LONRF1: variants seen among roughly 807,000 people sequenced by gnomAD.
LONRF1 encodes the protein LON peptidase N-terminal domain and RING finger protein 1.
In LONRF1, 37 loss-of-function variants were observed where a neutral mutation model predicts 85.8. That is an observed-to-expected ratio of 0.43 (90% confidence interval 0.33 to 0.57). The LOEUF is 0.57. Among genes scored for constraint, LONRF1 ranks in the 20% least tolerant of loss-of-function variants. LONRF1 has a pLI of 0.04. For missense variants in LONRF1, 1,036 were observed against 978.0 expected, an observed-to-expected ratio of 1.06 and a Z score of -0.79; for synonymous variants, 517 against 390.1, an observed-to-expected ratio of 1.33 and a Z score of -3.83.
In LONRF1 at chr8:12,747,748, ATCTC is replaced by A. The variant is rs71205086; in HGVS notation, c.722-4470_722-4467del. Among the ~76,000 whole-genome samples the A allele has an allele frequency of 7.7e-4, 39 of 50,600 alleles. No homozygotes were observed. The East Asian group carries it at 0.018, about 24-fold the overall frequency. 33.2% of individuals were successfully genotyped at this position (50,600 alleles called of 152,430 possible). On this transcript the variant is annotated intron_variant, in intron 1 of 11. Coordinates refer to ENST00000398246, the MANE Select transcript of LONRF1 (RefSeq NM_152271.5). Reference sequence around the variant, plus strand: ...ATTTCACTAACTCAGGTTGACTGAAATCTCTCTCTTTTTTTTTTTTTTTTTTAGA... The same window carrying A: ...ATTTCACTAACTCAGGTTGACTGAAATCTCTTTTTTTTTTTTTTTTTTAGA...
intron 1 of LONRF1, among the ~76,000 whole-genome samples, chr8:12,748,022 T>C (rs1425164187): frequency 2.0e-5 from 3 of 152,210 alleles, no homozygotes; most frequent in African/African-American, 4.8e-5. Flanking sequence ...GTCCACATGA[T>C]TTTTAATAGT....
intron 1 of LONRF1, among the ~76,000 whole-genome samples, chr8:12,747,702 T>A (rs1442789219): frequency 6.6e-6 from 1 of 151,616 alleles, no homozygotes; most frequent in African/African-American, 2.4e-5. Flanking sequence ...CTTTACAGGT[T>A]AAAACAGAGA....
At chr8:12,737,899 A>T in intron 4 of LONRF1, 96 bp downstream of exon 4, 1 of 1,249,690 alleles carries the variant, frequency 8.0e-7, no homozygotes, top group Non-Finnish European at 1.1e-6. Flanking sequence ...AAAAGTACTT[A>T]AGTAGGTGCT....
chr8:12,728,306 C>A (rs1037127508), intron 10 of LONRF1, among the ~76,000 whole-genome samples: 10 of 152,170 alleles, frequency 6.6e-5, no homozygotes, highest in Non-Finnish European at 1.2e-4. Context: ...AAAAACCCTA[C>A]CCTGTTAAGA....
At chr8:12,753,010 G>A (rs1435022776) in intron 1 of LONRF1, 1 of 152,170 alleles carries the variant, frequency 6.6e-6, no homozygotes, top group Non-Finnish European at 1.5e-5. Flanking sequence ...CTGCTTCCTC[G>A]CTTTAAAAAT....
Position 12,731,699 on chromosome 8 carries a change from T to A in LONRF1, c.1688+37A>T, listed in dbSNP as rs545866755. 3 of 1,578,300 alleles carry A rather than the reference T, an allele frequency of 1.9e-6. No individual in the cohort carries two copies. In the East Asian group the frequency reaches 6.7e-5, roughly 35 times the overall value. ...GAGGTTTTTCCTTACTATTAAAGGGTAGTAGTTCATAATTTTTTTTATGAG... is the reference window on the plus strand; with the variant it reads ...GAGGTTTTTCCTTACTATTAAAGGGAAGTAGTTCATAATTTTTTTTATGAG... On this transcript the variant is annotated intron_variant, in intron 8 of 11. Coordinates refer to ENST00000398246, the MANE Select transcript of LONRF1 (RefSeq NM_152271.5).
At chr8:12,741,669 A>G (rs1179781053) in intron 2 of LONRF1, among the ~76,000 whole-genome samples, 1 of 152,236 alleles carries the variant, frequency 6.6e-6, no homozygotes, top group African/African-American at 2.4e-5. Flanking sequence ...ATCAAAATTA[A>G]AGAAATATTA....
intron 2 of LONRF1, among the ~76,000 whole-genome samples, chr8:12,742,007 A>G (rs1031240199): frequency 1.3e-5 from 2 of 152,236 alleles, no homozygotes; most frequent in African/African-American, 4.8e-5. Context: ...GTATTAAATA[A>G]TATCAGAGGA....
In LONRF1 at chr8:12,725,724, T is replaced by C. The variant is rs1798271940; in HGVS notation, c.2163+3A>G. 1 of 1,608,144 alleles carries C rather than the reference T, an allele frequency of 6.2e-7. No homozygotes were observed. Among genetic ancestry groups the C allele is most frequent in the Non-Finnish European group, 8.5e-7 (1 of 1,175,270 alleles). On this transcript the variant is annotated splice_donor_region_variant and intron_variant, in intron 11 of 11. Transcript: ENST00000398246. ...TTTTGGAAGAACAGAAAAGCCACCA[T>C]ACCTGAAGGTTTTCCTCCCTCTCGG...
At chr8:12,734,772 A>G (rs1175795829) in intron 7 of LONRF1, among the ~76,000 whole-genome samples, 4 of 152,224 alleles carry the variant, frequency 2.6e-5, no homozygotes, top group African/African-American at 4.8e-5. Flanking sequence ...AAATGTAAAT[A>G]TAGTTCCTCA....
At chr8:12,740,828 G>A (rs1196859385) in intron 3 of LONRF1, 46 bp downstream of exon 3, 2 of 1,560,266 alleles carry the variant, frequency 1.3e-6, no homozygotes, top group Non-Finnish European at 8.7e-7. Context: ...AAACCTGTCT[G>A]CCTCTTAGCC....
At chr8:12,744,981 T>C (rs1402667122) in intron 1 of LONRF1, among the ~76,000 whole-genome samples, 2 of 152,138 alleles carry the variant, frequency 1.3e-5, no homozygotes, top group East Asian at 3.9e-4. Flanking sequence ...TATCCATGCC[T>C]TCACTGCTCA....
chr8:12,737,441 A>AT, intron 4 of LONRF1: 1 of 513,198 alleles, frequency 1.9e-6, no homozygotes, highest in Non-Finnish European at 3.6e-6. Flanking sequence ...ACAATACAGT[A>AT]TAACAACTAT....
At chr8:12,736,671 T>C in intron 6 of LONRF1, 30 bp downstream of exon 6, 4 of 1,424,408 alleles carry the variant, frequency 2.8e-6, no homozygotes, top group Middle Eastern at 2.0e-4. Flanking sequence ...ACATAAAATA[T>C]TCATCTTCTA....
intron 1 of LONRF1, among the ~76,000 whole-genome samples, chr8:12,743,996 G>C (rs1161118216): frequency 1.3e-5 from 2 of 152,076 alleles, no homozygotes; most frequent in Non-Finnish European, 2.9e-5. Flanking sequence ...ACACTTAGCT[G>C]GTTCACTGAT....
intron 7 of LONRF1, among the ~76,000 whole-genome samples, chr8:12,733,339 C>T (rs375950416): frequency 1.0e-3 from 152 of 152,114 alleles, no homozygotes; most frequent in African/African-American, 3.6e-3. Context: ...TGTAACATTT[C>T]TGGGGATGAG....
intron 11 of LONRF1, 55 bp from the exon 12 acceptor site, chr8:12,723,309 A>G (rs1805996471): frequency 1.3e-6 from 2 of 1,519,564 alleles, no homozygotes; most frequent in African/African-American, 1.4e-5. Context: ...ATGTAACAAC[A>G]GTAGCAAACC....
chr8:12,752,394 C>T (rs1799443738), intron 1 of LONRF1, among the ~76,000 whole-genome samples: 1 of 152,030 alleles, frequency 6.6e-6, no homozygotes, highest in Non-Finnish European at 1.5e-5. Context: ...AGATTTTTTT[C>T]CTGTTAGTTC....
Position 12,738,102 on chromosome 8 carries a change from G to C in LONRF1, c.1006C>G (p.Leu336Val). Residue 336 changes from leucine (L) to valine (V), a missense_variant, in exon 4 of 12, where the codon CTG (leucine) becomes GTG (valine). By Grantham distance (32) the Leu-to-Val change is conservative. Coordinates refer to ENST00000398246, the MANE Select transcript of LONRF1 (RefSeq NM_152271.5). ...AATGAACTCCAGGAAGATTCCTTCA[G>C]GCCTTCTTTTAAGTTTTCAGGTAAT... is the stretch of plus-strand genomic sequence containing the variant. ...LLLPENLKEG[L>V]KESSWSSLPC... 5 of 1,601,604 alleles carry C rather than the reference G, an allele frequency of 3.1e-6. No homozygotes were observed. Among genetic ancestry groups the C allele is most frequent in the Non-Finnish European group, 4.3e-6 (5 of 1,173,098 alleles).
Sources: gnomAD v4.1 joint callset for allele counts (sites outside exome capture counted in the v4.1 genomes callset) on GRCh38, gnomAD v4.1.1 for gene constraint, MANE v1.5 for transcripts, NCBI Gene and HGNC (gene_info 2026-07-23, HGNC 2026-07-21) for gene names.